Variants in MTUS2 observed in about 807,000 individuals in gnomAD.
MTUS2 encodes the protein microtubule-associated tumor suppressor candidate 2.
MTUS2 carries 40 observed loss-of-function variants against 114.1 expected under a neutral mutation model. The observed-to-expected ratio is 0.35, with a 90% CI of 0.27 to 0.46. MTUS2 has a LOEUF of 0.46. Among genes scored for constraint, MTUS2 ranks in the 20% least tolerant of loss-of-function variants. The probability of loss-of-function intolerance (pLI) is 1.00; values close to 1 mark genes in which losing one functional copy is unlikely to be tolerated. For synonymous variants in MTUS2, 688 were observed against 672.0 expected (o/e 1.02, Z -0.37); for missense variants, 1,679 against 1,705.4 (o/e 0.98, Z 0.27).
At chr13:29,060,802 C>CT (rs34983544) in intron 4 of MTUS2, among the ~76,000 whole-genome samples, 2,242 of 127,656 alleles carry the variant, frequency 0.018, 121 homozygotes, top group African/African-American at 0.052. Context: ...GATTAGTTGA[C>CT]TTTTTTTTTT....
chr13:29,289,487 G>C (rs1037666642), intron 6 of MTUS2, among the ~76,000 whole-genome samples: 9 of 146,212 alleles, frequency 6.2e-5, no homozygotes, highest in African/African-American at 2.0e-4. Context: ...TTTTGAGACG[G>C]AGTCTCGCTC....
chr13:29,031,889 AG>A (rs1455181145), intron 3 of MTUS2, among the ~76,000 whole-genome samples: 1 of 152,068 alleles, frequency 6.6e-6, no homozygotes, highest in Non-Finnish European at 1.5e-5. Context: ...AGGACAGTGC[AG>A]GGCAAATAGG....
intron 5 of MTUS2, among the ~76,000 whole-genome samples, chr13:29,150,484 A>G (rs538934528): frequency 3.3e-5 from 5 of 152,146 alleles, no homozygotes; most frequent in South Asian, 2.1e-4. Flanking sequence ...CTCTCATTCT[A>G]TAGGTTTCTG....
intron 5 of MTUS2, among the ~76,000 whole-genome samples, chr13:29,280,723 C>T (rs1436749061): frequency 6.6e-6 from 1 of 152,160 alleles, no homozygotes; most frequent in African/African-American, 2.4e-5. Flanking sequence ...TACCACTGGA[C>T]TGTTTTATTC....
chr13:29,442,546 A>G (rs1462369284), intron 9 of MTUS2, among the ~76,000 whole-genome samples: 1 of 152,186 alleles, frequency 6.6e-6, no homozygotes, highest in Non-Finnish European at 1.5e-5. Flanking sequence ...CCAAAACCTC[A>G]GCTTTGCAAA....
intron 1 of MTUS2, among the ~76,000 whole-genome samples, chr13:28,828,604 G>A (rs549263577): frequency 6.6e-6 from 1 of 152,202 alleles, no homozygotes; most frequent in Non-Finnish European, 1.5e-5. Context: ...CTTCTGCCAT[G>A]GCTTCAGCCG....
rs1881078359 is a variant in MTUS2 at position 29,480,457 on chromosome 13, A to G, written c.3399+93A>G. The G allele has an allele frequency of 7.7e-6, 10 of 1,306,252 alleles. No homozygotes were observed. In the South Asian group the frequency reaches 1.4e-4, roughly 18 times the overall value. The allele number at this position is 1,306,252 out of a possible 1,614,324, so 80.9% of individuals were successfully genotyped here. ...GCCACATTAGCAAGAAGTCCTATTC[A>G]GTAGGTGAGCTTTCTGAACAGTTCA... On this transcript the variant is annotated intron_variant, in intron 10 of 15. Transcript: ENST00000612955. This position sits in a 1 kb window ranked among gnomAD's most constrained non-coding sequence, Gnocchi z 4.4.
At chr13:29,472,444 C>T (rs1462448253) in intron 9 of MTUS2, among the ~76,000 whole-genome samples, 1 of 152,204 alleles carries the variant, frequency 6.6e-6, no homozygotes, top group African/African-American at 2.4e-5. Context: ...GGATCCCAGG[C>T]AGCTGTGTTT....
intron 8 of MTUS2, among the ~76,000 whole-genome samples, chr13:29,401,092 A>G (rs1391865666): frequency 1.3e-5 from 2 of 152,028 alleles, no homozygotes; most frequent in African/African-American, 2.4e-5. Context: ...GGGTCAAACA[A>G]TTCTCCTGCC....
intron 2 of MTUS2, among the ~76,000 whole-genome samples, chr13:28,981,598 A>T (rs976703022): frequency 2.6e-5 from 4 of 152,226 alleles, no homozygotes; most frequent in Non-Finnish European, 4.4e-5. Flanking sequence ...GATGGAAAAA[A>T]GTAGAGTTCC....
chr13:29,093,965 TAAG>T (rs544100478), intron 4 of MTUS2, among the ~76,000 whole-genome samples: 19 of 152,190 alleles, frequency 1.2e-4, no homozygotes, highest in African/African-American at 1.7e-4. Context: ...CTGAATCAAT[TAAG>T]AAGATCATAT....
intron 5 of MTUS2, among the ~76,000 whole-genome samples, chr13:29,129,395 T>C (rs115994130): frequency 0.024 from 3,651 of 152,252 alleles, 143 homozygotes; most frequent in African/African-American, 0.083. Context: ...TCCCGAAGGT[T>C]GGATTCCCTG....
At chr13:29,338,374 C>T (rs867470331) in intron 7 of MTUS2, among the ~76,000 whole-genome samples, 1 of 151,916 alleles carries the variant, frequency 6.6e-6, no homozygotes, top group African/African-American at 2.4e-5. Flanking sequence ...ATTGCCTGAG[C>T]TCAGGAATTG....
At chr13:29,374,635 C>T (rs1158641885) in intron 8 of MTUS2, among the ~76,000 whole-genome samples, 5 of 152,188 alleles carry the variant, frequency 3.3e-5, no homozygotes, top group African/African-American at 7.2e-5. Flanking sequence ...TGGAGGCTCA[C>T]GCCTGTAATC....
At chr13:29,406,317 C>T (rs923277181) in intron 8 of MTUS2, among the ~76,000 whole-genome samples, 2 of 152,164 alleles carry the variant, frequency 1.3e-5, no homozygotes, top group African/African-American at 4.8e-5. Context: ...GATTCTGGCT[C>T]AGGATTGCTC....
chr13:29,467,289 G>A (rs1879957243), intron 9 of MTUS2, among the ~76,000 whole-genome samples: 1 of 152,158 alleles, frequency 6.6e-6, no homozygotes, highest in South Asian at 2.1e-4. Flanking sequence ...TGTTCAACAT[G>A]GAGATGATGG....
At chr13:28,970,436 CA>C (rs1461988656) in intron 2 of MTUS2, among the ~76,000 whole-genome samples, 1 of 152,224 alleles carries the variant, frequency 6.6e-6, no homozygotes, top group Non-Finnish European at 1.5e-5. Flanking sequence ...CACTGGAACA[CA>C]ACCACCATCG....
chr13:29,257,536 G>A (rs1333702779), intron 5 of MTUS2, among the ~76,000 whole-genome samples: 1 of 152,196 alleles, frequency 6.6e-6, no homozygotes, highest in African/African-American at 2.4e-5. Flanking sequence ...CAGTGTTGTT[G>A]GAACTTAACG....
chr13:28,992,287 CAG>C (rs1318635909), intron 2 of MTUS2, among the ~76,000 whole-genome samples: 1 of 152,186 alleles, frequency 6.6e-6, no homozygotes, highest in Non-Finnish European at 1.5e-5. Context: ...AAAGGGAAAA[CAG>C]AAGAAAGACA....
Sources: allele counts gnomAD v4.1 joint callset (sites outside exome capture counted in the v4.1 genomes callset), GRCh38; gene constraint gnomAD v4.1.1; non-coding constraint Gnocchi (gnomAD v3.1); transcripts MANE v1.5; gene names NCBI Gene and HGNC (gene_info 2026-07-23, HGNC 2026-07-21).